The following ATAD3A variants were observed in gnomAD, a reference collection of about 807,000 sequenced individuals.
The protein encoded by ATAD3A is ATPase family AAA domain containing 3A.
In ATAD3A, 46 loss-of-function variants were observed where a neutral mutation model predicts 73.8. The ratio of observed to expected loss-of-function variants is 0.62; its 90% CI spans 0.49 to 0.80. The LOEUF is 0.80. ATAD3A is among the 30% of genes least tolerant of loss of function. ATAD3A has a pLI of 0.00. For synonymous variants in ATAD3A, 319 were observed against 350.0 expected (o/e 0.91, Z 0.99); for missense variants, 705 against 838.0 (o/e 0.84, Z 1.96).
chr1:1,513,698 C>T lies in ATAD3A; in HGVS notation c.205+1225C>T, dbSNP rs551241759. 3.3e-5 allele frequency among the ~76,000 whole-genome samples: 5 copies of T among 152,246 alleles called. No homozygotes were observed. In the East Asian group the frequency reaches 7.7e-4, roughly 24 times the overall value. On this transcript the variant is annotated intron_variant, in intron 1 of 15. Coordinates refer to ENST00000378756, the MANE Select transcript of ATAD3A (RefSeq NM_001170535.3). ...AGAGGTTTCTCCAGAGTTGACTGCC[C>T]CCTTTCCCCGGGTGCCCCCTGCCCT...
At position 1,522,763 on chromosome 1, in the gene ATAD3A, T is replaced by C. The variant is rs1319343976; in HGVS notation, c.770T>C (p.Leu257Pro). Residue 257 changes from leucine to proline, a missense_variant, in exon 8 of 16, where the codon CTG (leucine) becomes CCG (proline). Physicochemically the swap from Leu to Pro is moderately conservative, Grantham distance 98 (BLOSUM62 -3). This residue lies in a region of ATAD3A where 315 missense variants were observed against 334.1 expected (regional missense o/e 0.94). Coordinates refer to ENST00000378756, the MANE Select transcript of ATAD3A (RefSeq NM_001170535.3). The stretch of plus-strand genomic sequence containing the variant: ...CTGCAGGTGGCTGGGCTGACGCTGC[T>C]GGCTGTTGGGGTCTACTCAGCCAAG... The part of the protein sequence containing the change: ...VTATVAGLTL[L>P]AVGVYSAKNA... 1.2e-6 allele frequency: 2 copies of C among 1,612,034 alleles called. No individual in the cohort carries two copies. Among genetic ancestry groups the C allele is most frequent in the East Asian group, 2.2e-5 (1 of 44,874 alleles).
Position 1,512,185 on chromosome 1 carries a change from G to C in ATAD3A, c.-84G>C, listed in dbSNP as rs1178733100. The stretch of plus-strand genomic sequence containing the variant: ...GCAGTGGCGGTGACCACCGGCTCGC[G>C]GCGCGTGGAGGCTGCTCCCAGCCGC... On this transcript the variant is annotated 5_prime_UTR_variant, in exon 1 of 16. Coordinates refer to ENST00000378756, the MANE Select transcript of ATAD3A (RefSeq NM_001170535.3). 2.5e-6 allele frequency: 3 copies of C among 1,217,670 alleles called. No individual in the cohort carries two copies. The highest frequency in any genetic ancestry group is 6.7e-5 in the East Asian group (2 of 29,846). 75.4% of individuals were successfully genotyped at this position (1,217,670 alleles called of 1,614,324 possible). A position where few individuals can be genotyped will look rare whatever the true frequency, so the allele number is the denominator to read the frequency against.
At chr1:1,527,385 C>T in intron 13 of ATAD3A, 1 of 1,097,644 alleles carries the variant, frequency 9.1e-7, no homozygotes, top group Non-Finnish European at 1.2e-6. Context: ...GACATGGACT[C>T]CGGGTCCCGA....
At chr1:1,528,504 C>T (rs1369030072) in intron 14 of ATAD3A, among the ~76,000 whole-genome samples, 4 of 152,264 alleles carry the variant, frequency 2.6e-5, no homozygotes, top group Admixed American at 1.3e-4. Flanking sequence ...CCTGGAGCCT[C>T]GTGGTGTGGG....
chr1:1,515,470 C>T (rs1641325040), intron 1 of ATAD3A, among the ~76,000 whole-genome samples: 1 of 152,160 alleles, frequency 6.6e-6, no homozygotes. Flanking sequence ...TCAGAGAATA[C>T]GTACTTCTGT....
In ATAD3A at chr1:1,529,460, G is replaced by A. The variant is rs567690622; in HGVS notation, c.1614+129G>A. The A allele has an allele frequency of 8.2e-6, 12 of 1,461,182 alleles. No individual in the cohort carries two copies. In the South Asian group the frequency reaches 9.7e-5, roughly 12 times the overall value. The allele number at this position is 1,461,182 out of a possible 1,614,324, so 90.5% of individuals were successfully genotyped here. A position where few individuals can be genotyped will look rare whatever the true frequency, so the allele number is the denominator to read the frequency against. ...TGTTGAGGGGTTTTCAGTGCACAGAGGTGACACAGGGCCCCCTGCCCCAGT... is the reference window on the plus strand; with the variant it reads ...TGTTGAGGGGTTTTCAGTGCACAGAAGTGACACAGGGCCCCCTGCCCCAGT... On this transcript the variant is annotated intron_variant, in intron 15 of 15. Transcript: ENST00000378756.
At chr1:1,516,822 C>G (rs1442745884) in intron 2 of ATAD3A, among the ~76,000 whole-genome samples, 3 of 152,060 alleles carry the variant, frequency 2.0e-5, no homozygotes, top group Non-Finnish European at 4.4e-5. Flanking sequence ...GGTTCAACCT[C>G]TTTCCTCAGC....
chr1:1,533,234 G>A (rs1392092898), intron 15 of ATAD3A, among the ~76,000 whole-genome samples: 8 of 152,160 alleles, frequency 5.3e-5, no homozygotes, highest in African/African-American at 7.2e-5. Context: ...TCCTGAGCAC[G>A]GTGCCCAGTG....
chr1:1,515,033 C>T (rs1404355307), intron 1 of ATAD3A, among the ~76,000 whole-genome samples: 1 of 152,072 alleles, frequency 6.6e-6, no homozygotes, highest in Non-Finnish European at 1.5e-5. Flanking sequence ...ACCACTGTGC[C>T]CTGCTCTTTT....
rs755633534 is a variant in ATAD3A, at chr1:1,524,292, G to A, written c.1109G>A (p.Gly370Asp). Residue 370 changes from glycine to aspartate, a missense_variant, in exon 11 of 16, where the codon GGC becomes GAC. Transcript: ENST00000378756. ...GTCCAGAAACTCGCCCTGCACTCAGGCATGGACTACGCCATCATGACAGGC... is the reference window on the plus strand; with the variant it reads ...GTCCAGAAACTCGCCCTGCACTCAGACATGGACTACGCCATCATGACAGGC... Reference protein sequence around the residue: ...LFAKKLALHSGMDYAIMTGGD... With the variant: ...LFAKKLALHSDMDYAIMTGGD... The A allele has an allele frequency of 1.2e-6, 2 of 1,613,862 alleles. No homozygotes were observed. Among genetic ancestry groups the A allele is most frequent in the Non-Finnish European group, 1.7e-6 (2 of 1,179,822 alleles).
At chr1:1,518,804 C>T in intron 4 of ATAD3A, 117 bp from the exon 5 acceptor site, 2 of 1,589,748 alleles carry the variant, frequency 1.3e-6, no homozygotes, top group South Asian at 1.1e-5. Flanking sequence ...GGCACCGTCA[C>T]ACCCCGCAAA....
intron 15 of ATAD3A, among the ~76,000 whole-genome samples, chr1:1,532,843 CCA>C (rs1642077616): frequency 6.6e-6 from 1 of 152,022 alleles, no homozygotes; most frequent in Non-Finnish European, 1.5e-5. Flanking sequence ...GGCCCCTGAC[CCA>C]CAGTGGCGGT....
At chr1:1,517,112 T>C in intron 2 of ATAD3A, 199 bp from the exon 3 acceptor site, 1 of 1,540,504 alleles carries the variant, frequency 6.5e-7, no homozygotes. Flanking sequence ...GGGCTTCTGC[T>C]GGTGCTTCTG....
intron 2 of ATAD3A, among the ~76,000 whole-genome samples, chr1:1,516,744 G>A (rs1332778686): frequency 2.0e-5 from 3 of 151,742 alleles, no homozygotes; most frequent in Non-Finnish European, 4.4e-5. Flanking sequence ...TATAGACAGA[G>A]TCTTAGTCTG....
In ATAD3A at chr1:1,523,096, T is replaced by G. The variant is rs1017237706; in HGVS notation, c.906+197T>G. Among the ~76,000 whole-genome samples, 1 of 151,972 alleles carries G rather than the reference T, an allele frequency of 6.6e-6. No homozygotes were observed. The highest frequency in any genetic ancestry group is 2.4e-5 in the African/African-American group (1 of 41,294). On this transcript the variant is annotated intron_variant, in intron 8 of 15. Coordinates refer to ENST00000378756, the MANE Select transcript of ATAD3A (RefSeq NM_001170535.3). The surrounding 1 kb of genome is among the most constrained non-coding windows in gnomAD (Gnocchi z 5.1). ...GCATCAGTGAGACCCTTCCCCTGTCTGCCTCGGTGTCCCCTGCTCAGGGCT... is the reference window on the plus strand; with the variant it reads ...GCATCAGTGAGACCCTTCCCCTGTCGGCCTCGGTGTCCCCTGCTCAGGGCT...
In ATAD3A at chr1:1,527,746, C is replaced by T. The variant is rs1390658121; in HGVS notation, c.1389C>T (p.Ile463=). 3 of 1,613,826 alleles carry T rather than the reference C, an allele frequency of 1.9e-6. No individual in the cohort carries two copies. Among genetic ancestry groups the T allele is most frequent in the East Asian group, 2.2e-5 (1 of 44,892 alleles). ...AACCAGAGCAGTTCGACTGGGCCAT[C>T]AATGACCGCATCAATGAGATGGTCC... is the stretch of plus-strand genomic sequence containing the variant. ...SNQPEQFDWA[I]NDRINEMVHF... Residue 463 remains isoleucine, a synonymous_variant, in exon 14 of 16, where the codon ATC becomes ATT. Transcript: ENST00000378756.
intron 1 of ATAD3A, among the ~76,000 whole-genome samples, chr1:1,514,205 G>T (rs1466021756): frequency 1.3e-5 from 2 of 152,138 alleles, no homozygotes; most frequent in South Asian, 2.1e-4. Flanking sequence ...CAGAGTCACT[G>T]GGGGTAGGAA....
chr1:1,529,178 G>A, intron 14 of ATAD3A, 45 bp from the exon 15 acceptor site: 1 of 1,599,560 alleles, frequency 6.3e-7, no homozygotes, highest in Non-Finnish European at 8.5e-7. Flanking sequence ...CTCGTGTTGT[G>A]GGAGCTGCTG....
intron 1 of ATAD3A, 65 bp from the exon 2 acceptor site, chr1:1,515,947 G>T: frequency 1.6e-5 from 26 of 1,589,510 alleles, no homozygotes; most frequent in Non-Finnish European, 2.1e-5. Context: ...CTTGGCTGGT[G>T]TGCGTGCCTG....
Sources: gnomAD v4.1 joint callset for allele counts (sites outside exome capture counted in the v4.1 genomes callset) on GRCh38, gnomAD v4.1.1 for gene constraint, gnomAD v4.1.1 regional missense constraint, Gnocchi (gnomAD v3.1) non-coding constraint, MANE v1.5 for transcripts, NCBI Gene and HGNC (gene_info 2026-07-23, HGNC 2026-07-21) for gene names.